The following HDAC9 variants were observed in gnomAD, a reference collection of about 807,000 sequenced individuals.
HDAC9 encodes the protein histone deacetylase 9, also known as MEF-2 interacting transcription repressor (MITR) protein.
Under a neutral mutation model 139.4 loss-of-function variants are expected in HDAC9, and 41 were observed. The ratio of observed to expected loss-of-function variants is 0.29; its 90% CI spans 0.23 to 0.38. HDAC9 has a LOEUF of 0.38. Among genes scored for constraint, HDAC9 ranks in the 10% least tolerant of loss-of-function variants. HDAC9 has a pLI of 1.00. For missense variants in HDAC9, 1,147 were observed against 1,297.0 expected (o/e 0.88, Z 1.78); for synonymous variants, 517 against 476.2 (o/e 1.09, Z -1.12).
At chr7:18,736,534 G>A (rs578025170) in intron 13 of HDAC9, among the ~76,000 whole-genome samples, 8 of 152,258 alleles carry the variant, frequency 5.3e-5, no homozygotes, top group African/African-American at 9.6e-5. Flanking sequence ...GATGGATTAC[G>A]TTTATTGATT....
At chr7:18,757,930 C>G (rs1789026685) in intron 14 of HDAC9, among the ~76,000 whole-genome samples, 1 of 152,140 alleles carries the variant, frequency 6.6e-6, no homozygotes, top group South Asian at 2.1e-4. Flanking sequence ...TAACTTTAGT[C>G]AAACTCCCAA....
intron 13 of HDAC9, among the ~76,000 whole-genome samples, chr7:18,745,883 C>CTTTTTTTTTTTTTT (rs752292349): frequency 1.0e-5 from 1 of 99,486 alleles, no homozygotes; most frequent in Non-Finnish European, 1.9e-5. Flanking sequence ...TCTTCTTCTT[C>CTTTTTTTTTTTTTT]TTTTTTTTTT....
intron 1 of HDAC9, among the ~76,000 whole-genome samples, chr7:18,091,409 G>A (rs928321774): frequency 6.6e-6 from 1 of 152,176 alleles, no homozygotes; most frequent in Non-Finnish European, 1.5e-5. Context: ...AAGGAGATGG[G>A]TGTGGACTGG....
At chr7:18,334,759 G>A (rs926969314) in intron 1 of HDAC9, among the ~76,000 whole-genome samples, 15 of 151,546 alleles carry the variant, frequency 9.9e-5, no homozygotes, top group African/African-American at 3.6e-4. Flanking sequence ...GGGTGGAGGA[G>A]TTAGCACCAC....
At chr7:18,196,648 G>A (rs1790747845) in intron 2 of HDAC9, among the ~76,000 whole-genome samples, 1 of 152,096 alleles carries the variant, frequency 6.6e-6, no homozygotes, top group East Asian at 1.9e-4. Flanking sequence ...TCAGAGTAAG[G>A]TGTCATTATA....
intron 2 of HDAC9, among the ~76,000 whole-genome samples, chr7:18,549,011 G>A (rs1340863393): frequency 1.3e-5 from 2 of 152,148 alleles, no homozygotes; most frequent in African/African-American, 4.8e-5. Context: ...AGGCCAAGGC[G>A]GGAGGATCGC....
intron 17 of HDAC9, among the ~76,000 whole-genome samples, chr7:18,815,576 C>T (rs1794504235): frequency 6.6e-6 from 1 of 152,224 alleles, no homozygotes; most frequent in Admixed American, 6.5e-5. Flanking sequence ...TGCATTTAGT[C>T]CTGTCTGTAG....
chr7:18,723,840 G>A (rs1209005804), intron 12 of HDAC9, among the ~76,000 whole-genome samples: 1 of 152,074 alleles, frequency 6.6e-6, no homozygotes, highest in African/African-American at 2.4e-5. Flanking sequence ...GATAAAAAAA[G>A]AAACATGGCC....
chr7:18,669,738 G>C (rs529566626), intron 12 of HDAC9, among the ~76,000 whole-genome samples: 1 of 151,742 alleles, frequency 6.6e-6, no homozygotes, highest in Admixed American at 6.6e-5. Flanking sequence ...TGTTATATAG[G>C]GTGAGTTTTA....
At chr7:18,661,684 G>T (rs1793197085) in intron 11 of HDAC9, among the ~76,000 whole-genome samples, 1 of 152,060 alleles carries the variant, frequency 6.6e-6, no homozygotes, top group Non-Finnish European at 1.5e-5. Context: ...CTACTCAGAA[G>T]TTACTGTTTT....
chr7:18,368,848 G>A (rs771751229), intron 1 of HDAC9, among the ~76,000 whole-genome samples: 5 of 152,068 alleles, frequency 3.3e-5, no homozygotes, highest in Non-Finnish European at 5.9e-5. Context: ...AACAGGGGTT[G>A]TAACTGATGA....
chr7:18,401,141 G>C (rs2128733765), intron 1 of HDAC9, among the ~76,000 whole-genome samples: 1 of 152,222 alleles, frequency 6.6e-6, no homozygotes, highest in African/African-American at 2.4e-5. Flanking sequence ...TCTTTGAAAA[G>C]TGCTTTTAGT....
At chr7:18,887,583 C>T (rs889347494) in intron 22 of HDAC9, among the ~76,000 whole-genome samples, 1 of 152,100 alleles carries the variant, frequency 6.6e-6, no homozygotes, top group Non-Finnish European at 1.5e-5. Flanking sequence ...TGACACTCTA[C>T]ATATAATAAC....
Position 18,793,375 on chromosome 7 carries a change from C to T in HDAC9, c.2245C>T (p.His749Tyr), listed in dbSNP as rs749931113. ...CAGTGACACCATTTGGAATGAGCTA[C>T]ACTCGTCCGGTGCTGCACGCATGGC... ...VDSDTIWNEL[H>Y]SSGAARMAVG... Residue 749 changes from histidine (H) to tyrosine (Y), a missense_variant, in exon 17 of 26, where the codon CAC (histidine) becomes TAC (tyrosine). Transcript: ENST00000686413. 1 of 1,582,266 alleles carries T rather than the reference C, an allele frequency of 6.3e-7. No homozygotes were observed.
intron 1 of HDAC9, among the ~76,000 whole-genome samples, chr7:18,475,670 T>C (rs1017407854): frequency 6.6e-6 from 1 of 152,214 alleles, no homozygotes; most frequent in Admixed American, 6.5e-5. Context: ...TGAATTAGTT[T>C]ATTTTTAAAA....
rs548373115 is a variant in HDAC9, at chr7:18,388,075, A to G, written c.-42+97560A>G. 5.3e-5 allele frequency among the ~76,000 whole-genome samples: 8 copies of G among 152,340 alleles called. No homozygotes were observed. In the South Asian group the frequency reaches 1.7e-3, roughly 32 times the overall value. ...TATTTTTAAATTATACATAGGATCTATGTGGGCCCATCTTATCCAGGAGAG... is the reference window on the plus strand; with the variant it reads ...TATTTTTAAATTATACATAGGATCTGTGTGGGCCCATCTTATCCAGGAGAG... On this transcript the variant is annotated intron_variant, in intron 1 of 3. Coordinates refer to the HDAC9 transcript ENST00000413509.
chr7:18,901,228 A>G (rs1801686157), intron 22 of HDAC9, among the ~76,000 whole-genome samples: 1 of 148,354 alleles, frequency 6.7e-6, no homozygotes, highest in South Asian at 2.1e-4. Flanking sequence ...ATATACACAC[A>G]CACACACACA....
At chr7:18,789,890 C>T (rs1420528123) in intron 16 of HDAC9, among the ~76,000 whole-genome samples, 1 of 152,112 alleles carries the variant, frequency 6.6e-6, no homozygotes, top group Non-Finnish European at 1.5e-5. Flanking sequence ...AATCAGAGCT[C>T]TCTTAAGGAA....
At chr7:18,212,393 T>A (rs1792005650) in intron 2 of HDAC9, among the ~76,000 whole-genome samples, 1 of 152,200 alleles carries the variant, frequency 6.6e-6, no homozygotes, top group Non-Finnish European at 1.5e-5. Context: ...ACCCTGTCTG[T>A]GATGAGACAG....
Sources: gnomAD v4.1 joint callset for allele counts (sites outside exome capture counted in the v4.1 genomes callset) on GRCh38, gnomAD v4.1.1 for gene constraint, MANE v1.5 for transcripts, NCBI Gene and HGNC (gene_info 2026-07-23, HGNC 2026-07-21) for gene names.